STXBP5L: variants seen among roughly 807,000 people sequenced by gnomAD.
The protein encoded by STXBP5L is syntaxin-binding protein 5-like.
STXBP5L carries 65 observed loss-of-function variants against 144.5 expected under a neutral mutation model. The observed-to-expected ratio is 0.45, with a 90% CI of 0.37 to 0.55. The LOEUF (loss-of-function observed/expected upper bound fraction) is 0.55. STXBP5L is among the 20% of genes least tolerant of loss of function. STXBP5L has a pLI of 0.00. For synonymous variants in STXBP5L, 505 were observed against 469.6 expected (o/e 1.08, Z -0.97); for missense variants, 1,298 against 1,405.5 (o/e 0.92, Z 1.22).
intron 19 of STXBP5L, among the ~76,000 whole-genome samples, chr3:121,317,267 T>C (rs1308013429): frequency 6.6e-6 from 1 of 152,226 alleles, no homozygotes; most frequent in Non-Finnish European, 1.5e-5. Flanking sequence ...TTCAGTGCTC[T>C]ATAAGCAATT....
intron 3 of STXBP5L, among the ~76,000 whole-genome samples, chr3:121,000,591 C>G (rs1943692624): frequency 6.6e-6 from 1 of 152,146 alleles, no homozygotes; most frequent in Admixed American, 6.5e-5. Flanking sequence ...CATTGCCATC[C>G]AGATCCTGAA....
At chr3:121,037,100 A>C (rs1446580797) in intron 3 of STXBP5L, among the ~76,000 whole-genome samples, 1 of 151,658 alleles carries the variant, frequency 6.6e-6, no homozygotes, top group Admixed American at 6.6e-5. Flanking sequence ...CTAATTTTTC[A>C]AAAATCTTAT....
rs1015714570 is a variant in STXBP5L, at chr3:120,980,138, A to G, written c.287+25101A>G. ...ATTGACACTTGTTTTGTGGCCTGAC[A>G]TATGGTATATTTTGGGGGATGTTTC... On this transcript the variant is annotated intron_variant, in intron 3 of 26. Coordinates refer to ENST00000471454, the MANE Select transcript of STXBP5L (RefSeq NM_001308330.2). Among the ~76,000 whole-genome samples, 5 of 152,320 alleles carry G rather than the reference A, an allele frequency of 3.3e-5. No individual in the cohort carries two copies. In the East Asian group the frequency reaches 9.6e-4, roughly 29 times the overall value.
chr3:121,003,270 T>A (rs867603264), intron 3 of STXBP5L, among the ~76,000 whole-genome samples: 6 of 152,172 alleles, frequency 3.9e-5, no homozygotes, highest in Middle Eastern at 3.4e-3. Context: ...AGACGGTATC[T>A]CATTGTGGTT....
intron 2 of STXBP5L, among the ~76,000 whole-genome samples, chr3:120,950,560 GT>G (rs1711151617): frequency 6.6e-6 from 1 of 151,944 alleles, no homozygotes; most frequent in African/African-American, 2.4e-5. Flanking sequence ...TATACTTTAA[GT>G]TTTAGGGTAC....
chr3:120,992,341 A>G (rs1942982118), intron 3 of STXBP5L, among the ~76,000 whole-genome samples: 1 of 152,078 alleles, frequency 6.6e-6, no homozygotes, highest in Non-Finnish European at 1.5e-5. Context: ...GAAATATAAA[A>G]CAACATTGTT....
At chr3:121,095,078 T>G (rs1313918956) in intron 5 of STXBP5L, among the ~76,000 whole-genome samples, 3 of 152,236 alleles carry the variant, frequency 2.0e-5, no homozygotes, top group African/African-American at 7.2e-5. Flanking sequence ...AATTCTGGGT[T>G]GAAAATTCTT....
chr3:121,094,348 A>C (rs902261693), intron 5 of STXBP5L, among the ~76,000 whole-genome samples: 1 of 152,052 alleles, frequency 6.6e-6, no homozygotes, highest in Non-Finnish European at 1.5e-5. Flanking sequence ...TGTCTCGTTG[A>C]TCTGTCTAAT....
chr3:121,201,691 G>A (rs1179176626), intron 9 of STXBP5L, among the ~76,000 whole-genome samples: 2 of 151,934 alleles, frequency 1.3e-5, no homozygotes, highest in East Asian at 1.9e-4. Context: ...TCCTTCAGGA[G>A]CTCTTGTAAG....
intron 3 of STXBP5L, among the ~76,000 whole-genome samples, chr3:121,009,398 C>A (rs892505657): frequency 7.9e-5 from 12 of 152,004 alleles, no homozygotes; most frequent in South Asian, 6.2e-4. Context: ...CTGCATTTAT[C>A]CTTCCTCACA....
At chr3:121,163,465 T>C (rs1273492743) in intron 9 of STXBP5L, among the ~76,000 whole-genome samples, 1 of 151,872 alleles carries the variant, frequency 6.6e-6, no homozygotes, top group Non-Finnish European at 1.5e-5. Flanking sequence ...GACAAATACC[T>C]AATGCATGCC....
chr3:121,006,489 A>T (rs1330575075), intron 3 of STXBP5L, among the ~76,000 whole-genome samples: 2 of 151,880 alleles, frequency 1.3e-5, no homozygotes, highest in Non-Finnish European at 2.9e-5. Context: ...ACACTGATGG[A>T]TCTTGACTCT....
intron 7 of STXBP5L, among the ~76,000 whole-genome samples, chr3:121,124,155 C>T (rs2044601261): frequency 6.6e-6 from 1 of 151,874 alleles, no homozygotes; most frequent in Non-Finnish European, 1.5e-5. Context: ...GGATTGGTCT[C>T]CTAGGCTTAA....
At chr3:121,264,209 C>T (rs2050478448) in intron 18 of STXBP5L, among the ~76,000 whole-genome samples, 1 of 152,212 alleles carries the variant, frequency 6.6e-6, no homozygotes, top group Non-Finnish European at 1.5e-5. Context: ...TCTAGCCAAA[C>T]TAAGCTTCAT....
At chr3:120,923,094 A>C (rs1194475738) in intron 2 of STXBP5L, among the ~76,000 whole-genome samples, 1 of 151,980 alleles carries the variant, frequency 6.6e-6, no homozygotes, top group East Asian at 1.9e-4. Flanking sequence ...TGTGTCCATG[A>C]ATTTATTCCT....
intron 20 of STXBP5L, among the ~76,000 whole-genome samples, chr3:121,327,931 T>C (rs1221371543): frequency 6.6e-6 from 1 of 152,206 alleles, no homozygotes; most frequent in Non-Finnish European, 1.5e-5. Context: ...TTTTGTGAGC[T>C]AAGACAGGCA....
In STXBP5L at chr3:121,050,661, A is replaced by G. The variant is rs562179486; in HGVS notation, c.470+5126A>G. Among the ~76,000 whole-genome samples, 218 of 152,336 alleles carry G rather than the reference A, an allele frequency of 1.4e-3. 1 individual carries two copies. Among genetic ancestry groups the G allele is most frequent in the African/African-American group, 5.1e-3 (210 of 41,576 alleles). On this transcript the variant is annotated intron_variant, in intron 5 of 26. Transcript: ENST00000471454. ...AAATGTAAAGACCATCAAGGCTAGGAAGAAACTGCATCAACTAACGAGCAA... is the reference window on the plus strand; with the variant it reads ...AAATGTAAAGACCATCAAGGCTAGGGAGAAACTGCATCAACTAACGAGCAA...
intron 3 of STXBP5L, among the ~76,000 whole-genome samples, chr3:120,978,733 C>T (rs9836161): frequency 0.099 from 15,093 of 152,134 alleles, 1,173 homozygotes; most frequent in Admixed American, 0.2. Flanking sequence ...GTGTGTATAT[C>T]CTTTCTGTTT....
intron 3 of STXBP5L, among the ~76,000 whole-genome samples, chr3:121,012,292 G>T (rs948780209): frequency 4.0e-5 from 6 of 151,734 alleles, no homozygotes; most frequent in South Asian, 2.1e-4. Flanking sequence ...ACAGGCTTTT[G>T]TGTGCATATG....
Sources: allele counts gnomAD v4.1 joint callset (sites outside exome capture counted in the v4.1 genomes callset), GRCh38; gene constraint gnomAD v4.1.1; transcripts MANE v1.5; gene names NCBI Gene and HGNC (gene_info 2026-07-23, HGNC 2026-07-21).